The following DPP4 variants were observed in gnomAD, a reference collection of about 807,000 sequenced individuals.
DPP4 encodes the protein ADCP-2.
DPP4 carries 93 observed loss-of-function variants against 122.4 expected under a neutral mutation model. The ratio of observed to expected loss-of-function variants is 0.76; its 90% CI spans 0.64 to 0.90. The LOEUF (loss-of-function observed/expected upper bound fraction) is 0.90. Among genes scored for constraint, DPP4 ranks in the 40% least tolerant of loss-of-function variants. DPP4 has a pLI of 0.00. For missense variants in DPP4, 914 were observed against 907.3 expected (o/e 1.01, Z -0.09); for synonymous variants, 321 against 302.9 (o/e 1.06, Z -0.62).
intron 20 of DPP4, among the ~76,000 whole-genome samples, chr2:162,010,314 A>G (rs1682643543): frequency 6.6e-6 from 1 of 152,198 alleles, no homozygotes; most frequent in African/African-American, 2.4e-5. Context: ...CCCTCTTTGC[A>G]AAGGGACAAA....
rs1684915442 is a variant in DPP4, at chr2:162,065,401, G to A, written c.94+7998C>T. On this transcript the variant is annotated intron_variant, in intron 2 of 25. Transcript: ENST00000360534. Reference sequence around the variant, plus strand: ...AAAAGACAAAACTCCAAGGATGGCAGAGCTGAAAGGTGGAAAGGCCCCATG... The same window carrying A: ...AAAAGACAAAACTCCAAGGATGGCAAAGCTGAAAGGTGGAAAGGCCCCATG... Among the ~76,000 whole-genome samples, 4 of 152,198 alleles carry A rather than the reference G, an allele frequency of 2.6e-5. No homozygotes were observed. In the East Asian group the frequency reaches 7.7e-4, roughly 29 times the overall value.
intron 23 of DPP4, among the ~76,000 whole-genome samples, chr2:161,996,510 C>CA (rs1288292498): frequency 6.6e-6 from 1 of 152,160 alleles, no homozygotes; most frequent in African/African-American, 2.4e-5. Flanking sequence ...GCTAAAGTAA[C>CA]AGTGTTTGTA....
At position 162,059,246 on chromosome 2, in the gene DPP4, A is replaced by AT. The variant is rs71969682; in HGVS notation, c.95-11746dup. 6.4e-3 allele frequency among the ~76,000 whole-genome samples: 948 copies of AT among 149,076 alleles called. 8 individuals carry two copies. Among genetic ancestry groups the AT allele is most frequent in the African/African-American group, 0.02 (804 of 40,768 alleles). ...ACTGCTTTATCCCTTTCTGAAATGA[A>AT]TTTTTTTTTTTCTGATTATAGTCAC... is the stretch of plus-strand genomic sequence containing the variant. On this transcript the variant is annotated intron_variant, in intron 2 of 25. Transcript: ENST00000360534.
At chr2:162,006,624 G>C (rs1701288286) in intron 22 of DPP4, among the ~76,000 whole-genome samples, 1 of 151,980 alleles carries the variant, frequency 6.6e-6, no homozygotes, top group Non-Finnish European at 1.5e-5. Flanking sequence ...TGAAAAACAG[G>C]TTGCATAATT....
chr2:162,039,587 T>C (rs1417128501), intron 5 of DPP4, among the ~76,000 whole-genome samples: 1 of 152,132 alleles, frequency 6.6e-6, no homozygotes, highest in Non-Finnish European at 1.5e-5. Flanking sequence ...TGAAGAAATG[T>C]TTAACTTCAT....
chr2:162,032,842 T>C (rs1243538133), intron 10 of DPP4, among the ~76,000 whole-genome samples: 1 of 152,198 alleles, frequency 6.6e-6, no homozygotes, highest in Non-Finnish European at 1.5e-5. Context: ...AGGTGCTCCA[T>C]GGCGGAATTT....
intron 2 of DPP4, among the ~76,000 whole-genome samples, chr2:162,050,903 G>A (rs962769556): frequency 6.6e-6 from 1 of 152,204 alleles, no homozygotes; most frequent in African/African-American, 2.4e-5. Flanking sequence ...TGCTGCGGCA[G>A]CAGATGAAGG....
chr2:162,069,162 T>C (rs1685036618), intron 2 of DPP4, among the ~76,000 whole-genome samples: 1 of 152,226 alleles, frequency 6.6e-6, no homozygotes, highest in African/African-American at 2.4e-5. Context: ...AAAGTTTCTA[T>C]AAATCTTCTG....
intron 22 of DPP4, among the ~76,000 whole-genome samples, chr2:162,006,925 A>G: frequency 6.6e-6 from 1 of 152,064 alleles, no homozygotes. Context: ...TTAAAAATGG[A>G]TATATTATCT....
chr2:162,004,516 T>C (rs1335969447), intron 23 of DPP4, among the ~76,000 whole-genome samples: 1 of 151,940 alleles, frequency 6.6e-6, no homozygotes, highest in Non-Finnish European at 1.5e-5. Flanking sequence ...TTTTCTATCT[T>C]GACTGAGAAA....
rs1040408791 is a variant in DPP4, at chr2:162,024,824, C to T, written c.1003G>A (p.Gly335Arg). The T allele has an allele frequency of 1.1e-5, 18 of 1,613,642 alleles. No homozygotes were observed. In the East Asian group the frequency reaches 4.0e-4, roughly 36 times the overall value. ...MDICDYDESS[G>R]RWNCLVARQH... ...CTCACCACTAAGCAGTTCCATCTTC[C>T]ACTGGATTCATCATAGTCACAAATA... is the stretch of plus-strand genomic sequence containing the variant. Residue 335 changes from glycine (G) to arginine (R), a missense_variant, in exon 11 of 26, where the codon GGA becomes AGA. Gly to Arg is a moderately radical substitution (Grantham distance 125, BLOSUM62 -2). Transcript: ENST00000360534.
rs536412646 is a variant in DPP4 at position 162,057,853 on chromosome 2, A to G, written c.95-10352T>C. 7.9e-5 allele frequency among the ~76,000 whole-genome samples: 12 copies of G among 152,292 alleles called. No individual in the cohort carries two copies. In the South Asian group the frequency reaches 2.1e-3, roughly 26 times the overall value. ...AGTGGCACAATCTTGGCTCACTGCA[A>G]CCACTGCCTTCCAGGTTCAAGCGAT... is the stretch of plus-strand genomic sequence containing the variant. On this transcript the variant is annotated intron_variant, in intron 2 of 25. Transcript: ENST00000360534.
At chr2:161,995,208 G>T (rs978743565) in intron 24 of DPP4, 92 bp downstream of exon 24, 3 of 1,348,278 alleles carry the variant, frequency 2.2e-6, no homozygotes, top group Non-Finnish European at 2.1e-6. Flanking sequence ...TGAAGTAAAT[G>T]TAACAGTCTT....
At chr2:161,996,959 T>C (rs1287998500) in intron 23 of DPP4, among the ~76,000 whole-genome samples, 1 of 152,196 alleles carries the variant, frequency 6.6e-6, no homozygotes, top group Admixed American at 6.5e-5. Flanking sequence ...CTAAGAGGCA[T>C]AGCAAAAGCA....
In DPP4 at chr2:162,003,687, G is replaced by T. The variant is rs546877729; in HGVS notation, c.2052+2058C>A. Among the ~76,000 whole-genome samples the T allele has an allele frequency of 7.2e-5, 11 of 152,296 alleles. No homozygotes were observed. The South Asian group carries it at 2.1e-3, about 29-fold the overall frequency. On this transcript the variant is annotated intron_variant, in intron 23 of 25. Coordinates refer to ENST00000360534, the MANE Select transcript of DPP4 (RefSeq NM_001935.4). ...TTGACAATCAAATTTAAGTATTCTGGTTGGGTCGTTAACAAGAAAATTTGA... is the reference window on the plus strand; with the variant it reads ...TTGACAATCAAATTTAAGTATTCTGTTTGGGTCGTTAACAAGAAAATTTGA...
chr2:162,000,875 C>T (rs1207574560), intron 23 of DPP4, among the ~76,000 whole-genome samples: 2 of 152,208 alleles, frequency 1.3e-5, no homozygotes, highest in African/African-American at 2.4e-5. Flanking sequence ...TCTATCCCCT[C>T]CCCAGGCTTA....
intron 8 of DPP4, among the ~76,000 whole-genome samples, chr2:162,037,530 T>A (rs577875284): frequency 6.6e-6 from 1 of 152,288 alleles, no homozygotes; most frequent in South Asian, 2.1e-4. Flanking sequence ...ATTATTTTTT[T>A]AAACTACAAA....
At chr2:162,071,822 G>C (rs543839594) in intron 2 of DPP4, among the ~76,000 whole-genome samples, 17 of 152,290 alleles carry the variant, frequency 1.1e-4, no homozygotes, top group African/African-American at 4.1e-4. Flanking sequence ...AAAATTCTCA[G>C]AGTTAACTGC....
chr2:162,073,623 T>TG (rs1480758165), intron 1 of DPP4, 137 bp from the exon 2 acceptor site: 1 of 701,868 alleles, frequency 1.4e-6, no homozygotes. Context: ...GGGCTGGGGG[T>TG]GGGGGTGGCG....
Sources: gnomAD v4.1 joint callset for allele counts (sites outside exome capture counted in the v4.1 genomes callset) on GRCh38, gnomAD v4.1.1 for gene constraint, MANE v1.5 for transcripts, NCBI Gene and HGNC (gene_info 2026-07-23, HGNC 2026-07-21) for gene names.